The following IGFN1 variants were observed in gnomAD, a reference collection of about 807,000 sequenced individuals.
IGFN1 encodes immunoglobulin like and fibronectin type III domain containing 1, also known as immunoglobulin-like and fibronectin type III domain-containing protein 1.
Under a neutral mutation model 289.5 loss-of-function variants are expected in IGFN1, and 253 were observed. The observed-to-expected ratio is 0.87, with a 90% confidence interval of 0.79 to 0.97. The LOEUF (loss-of-function observed/expected upper bound fraction) is 0.97. Ranked by LOEUF, IGFN1 falls within the 50% of genes least tolerant of loss-of-function variation. IGFN1 has a pLI of 0.00. For missense variants in IGFN1, 4,470 were observed against 4,686.1 expected, an observed-to-expected ratio of 0.95 and a Z score of 1.35; for synonymous variants, 1,706 against 1,788.5, an observed-to-expected ratio of 0.95 and a Z score of 1.16.
At position 201,205,183 on chromosome 1, in the gene IGFN1, G is replaced by T; in HGVS notation, c.1018G>T (p.Ala340Ser). 4 of 1,551,324 alleles carry T rather than the reference G, an allele frequency of 2.6e-6. No individual in the cohort carries two copies. The highest frequency in any genetic ancestry group is 3.5e-6 in the Non-Finnish European group (4 of 1,147,002). Residue 340 changes from alanine (A) to serine (S), a missense_variant, in exon 11 of 24, where the codon GCC becomes TCC. By Grantham distance (99) the Ala-to-Ser change is moderately conservative. Transcript: ENST00000335211. ...CCTCTCCAGCCCCTGCCCTAGTGCA[G>T]CCTGGCATTTCCGGCACCGGCTACT... Reference protein sequence around the residue: ...CTLSSPCPSAAWHFRHRLLHP... With the variant: ...CTLSSPCPSASWHFRHRLLHP...
Position 201,205,153 on chromosome 1 carries a change from T to G in IGFN1, c.988T>G (p.Cys330Gly). Residue 330 changes from cysteine to glycine, a missense_variant, in exon 11 of 24, where the codon TGT becomes GGT. By Grantham distance (159) the Cys-to-Gly change is radical. Transcript: ENST00000335211. Reference protein sequence around the residue: ...CEEQGDAVFECTLSSPCPSAA... With the variant: ...CEEQGDAVFEGTLSSPCPSAA... The stretch of plus-strand genomic sequence containing the variant: ...GGAGCAGGGTGACGCAGTCTTTGAA[T>G]GTACCCTCTCCAGCCCCTGCCCTAG... 3 of 1,551,136 alleles carry G rather than the reference T, an allele frequency of 1.9e-6. No individual in the cohort carries two copies. Among genetic ancestry groups the G allele is most frequent in the Non-Finnish European group, 2.6e-6 (3 of 1,146,982 alleles).
rs2102344060 is a variant in IGFN1 at position 201,210,888 on chromosome 1, A to G, written c.5995A>G (p.Arg1999Gly). 1 of 1,528,416 alleles carries G rather than the reference A, an allele frequency of 6.5e-7. No individual in the cohort carries two copies. Among genetic ancestry groups the G allele is most frequent in the Non-Finnish European group, 8.7e-7 (1 of 1,143,878 alleles). The allele number at this position is 1,528,416 out of a possible 1,614,324, so 94.7% of individuals were successfully genotyped here. Residue 1999 changes from arginine (R) to glycine (G), a missense_variant, in exon 12 of 24, where the codon AGG (arginine) becomes GGG (glycine). Arg to Gly is a moderately radical substitution (Grantham distance 125, BLOSUM62 -2). Coordinates refer to ENST00000335211, the MANE Select transcript of IGFN1 (RefSeq NM_001164586.2). ...GGGGTCAATGGATGAGGCAGGTTAT[A>G]GGAAGGATTTGGGGGCTCCTGAGGG... ...EMGSMDEAGYRKDLGAPEGIG... is the reference protein window; with the variant it reads ...EMGSMDEAGYGKDLGAPEGIG...
In IGFN1 at chr1:201,206,380, A is replaced by G; in HGVS notation, c.1487A>G (p.Glu496Gly). 1 of 1,550,634 alleles carries G rather than the reference A, an allele frequency of 6.4e-7. No individual in the cohort carries two copies. Residue 496 changes from glutamate to glycine, a missense_variant, in exon 12 of 24, where the codon GAG becomes GGG. Glu to Gly is a moderately conservative substitution (Grantham distance 98, BLOSUM62 -2). Transcript: ENST00000335211. ...GAGGGCGAGGGCTTTCCAGTAGCAGAGGGAAGCAGAGCCACTCTTCCCAGG... is the reference window on the plus strand; with the variant it reads ...GAGGGCGAGGGCTTTCCAGTAGCAGGGGGAAGCAGAGCCACTCTTCCCAGG... ...GQEGEGFPVA[E>G]GSRATLPREN...
At position 201,226,907 on chromosome 1, in the gene IGFN1, C is replaced by A. The variant is rs1256424529; in HGVS notation, c.10812C>A (p.Cys3604Ter). The A allele has an allele frequency of 6.2e-7, 1 of 1,603,356 alleles. No individual in the cohort carries two copies. Among genetic ancestry groups the A allele is most frequent in the Non-Finnish European group, 8.5e-7 (1 of 1,174,096 alleles). ...ACAGGTTCACAGTGAAGGCTCCGTG[C>A]TACCGGGAGCCCGACCTGAGCCAGA... ...QRDRFTVKAP[C>*]YREPDLSQKP... The change falls in exon 23 of 24, where the codon TGC becomes TGA. Residue 3604 changes from cysteine to a stop codon, truncating the protein, a stop_gained. Transcript: ENST00000335211. LOFTEE classifies it high-confidence loss of function.
Position 201,215,774 on chromosome 1 carries a change from G to C in IGFN1, c.9231G>C (p.Gln3077His). The stretch of plus-strand genomic sequence containing the variant: ...GCGCAGGCAGGAAGGACTGTGGCCA[G>C]TACAGCGTGACACTGAGGAGTGAGG... ...LPSAGRKDCGQYSVTLRSEGG... is the reference protein window; with the variant it reads ...LPSAGRKDCGHYSVTLRSEGG... The change falls in exon 15 of 24, where the codon CAG (glutamine) becomes CAC (histidine). Residue 3077 changes from glutamine to histidine, a missense_variant. Around this residue, in one of 8 missense-constraint regions of IGFN1, gnomAD observed 2,218 missense variants for 2,114.1 expected, o/e 1.05. Transcript: ENST00000335211. 1 of 1,603,862 alleles carries C rather than the reference G, an allele frequency of 6.2e-7. No homozygotes were observed. The highest frequency in any genetic ancestry group is 8.5e-7 in the Non-Finnish European group (1 of 1,174,262).
rs1220558810 is a variant in IGFN1, at chr1:201,194,136, C to A, written c.8-18C>A. On this transcript the variant is annotated intron_variant, in intron 2 of 23. Coordinates refer to ENST00000335211, the MANE Select transcript of IGFN1 (RefSeq NM_001164586.2). The stretch of plus-strand genomic sequence containing the variant: ...AGAAGGTGGAAGGCCCCATCTCCTT[C>A]CCTCCTGCATTCTCCAGGAAAGCTC... 12 of 1,550,888 alleles carry A rather than the reference C, an allele frequency of 7.7e-6. No individual in the cohort carries two copies. Among genetic ancestry groups the A allele is most frequent in the Non-Finnish European group, 1.0e-5 (12 of 1,146,528 alleles).
rs1568810 is a variant in IGFN1 at position 201,214,274 on chromosome 1, T to A, written c.8826T>A (p.Pro2942=). The part of the protein sequence containing the change: ...LSCTLTSDLG[P]GTWFKDGVKL... ...GTACCCTCACCAGTGACCTGGGACC[T>A]GGCACCTGGTTTAAGGATGGCGTCA... Residue 2942 remains proline, a synonymous_variant, in exon 13 of 24, where the codon CCT becomes CCA. Transcript: ENST00000335211. 1 of 1,610,942 alleles carries A rather than the reference T, an allele frequency of 6.2e-7. No individual in the cohort carries two copies. Among genetic ancestry groups the A allele is most frequent in the South Asian group, 1.1e-5 (1 of 90,876 alleles).
rs182559666 is a variant in IGFN1, at chr1:201,212,928, G to A, written c.8035G>A (p.Gly2679Ser). 1,030 of 1,551,556 alleles carry A rather than the reference G, an allele frequency of 6.6e-4. 9 individuals are homozygous for A. The highest frequency in any genetic ancestry group is 6.6e-3 in the South Asian group (557 of 84,068). The change falls in exon 12 of 24, where the codon GGC becomes AGC. Residue 2679 changes from glycine to serine, a missense_variant. Around this residue, in one of 8 missense-constraint regions of IGFN1, gnomAD observed 2,218 missense variants for 2,114.1 expected, o/e 1.05. Coordinates refer to ENST00000335211, the MANE Select transcript of IGFN1 (RefSeq NM_001164586.2). ...GGFKGGEGAPGQEAAGGCRSP... is the reference protein window; with the variant it reads ...GGFKGGEGAPSQEAAGGCRSP... Reference sequence around the variant, plus strand: ...CTTTAAGGGTGGGGAGGGTGCACCAGGCCAAGAGGCGGCTGGTGGATGCCG... The same window carrying A: ...CTTTAAGGGTGGGGAGGGTGCACCAAGCCAAGAGGCGGCTGGTGGATGCCG...
intron 18 of IGFN1, among the ~76,000 whole-genome samples, chr1:201,221,192 G>A (rs1315828803): frequency 6.6e-6 from 1 of 152,210 alleles, no homozygotes; most frequent in Non-Finnish European, 1.5e-5. Flanking sequence ...TGGCAGGTTG[G>A]TGAATGAATG....
In IGFN1 at chr1:201,213,464, G is replaced by A. The variant is rs866879246; in HGVS notation, c.8571G>A (p.Leu2857=). 1.2e-6 allele frequency: 2 copies of A among 1,614,068 alleles called. No individual in the cohort carries two copies. ...ACTGGGGGTGCCTGGAGGAGATGCT[G>A]AATGAAGATCAGAGCCGGGAGCCCC... ...GENWGCLEEM[L]NEDQSREPPG... is the part of the protein sequence containing the mutation. The change falls in exon 12 of 24, where the codon CTG becomes CTA. Residue 2857 remains leucine, a synonymous_variant. Transcript: ENST00000335211.
intron 1 of IGFN1, among the ~76,000 whole-genome samples, chr1:201,192,101 T>C (rs988070668): frequency 1.3e-5 from 2 of 152,168 alleles, no homozygotes; most frequent in Non-Finnish European, 2.9e-5. Flanking sequence ...GCGTAGTGCC[T>C]GTGGCACCCG....
intron 20 of IGFN1, among the ~76,000 whole-genome samples, chr1:201,224,431 C>T (rs1446040198): frequency 7.2e-5 from 11 of 152,198 alleles, no homozygotes; most frequent in Admixed American, 1.3e-4. Flanking sequence ...GCATTTTTGC[C>T]GAACCTCTTC....
Position 201,212,118 on chromosome 1 carries a change from G to A in IGFN1, c.7225G>A (p.Ala2409Thr), listed in dbSNP as rs1373335566. ...DTNSKDGPERARETRLVDGAG... is the reference protein window; with the variant it reads ...DTNSKDGPERTRETRLVDGAG... ...GAACTCCAAGGATGGTCCAGAGCGA[G>A]CCAGGGAAACCAGGCTTGTGGATGG... Residue 2409 changes from alanine (A) to threonine (T), a missense_variant, in exon 12 of 24, where the codon GCC becomes ACC. Physicochemically the swap from Ala to Thr is moderately conservative, Grantham distance 58. Around this residue, in one of 8 missense-constraint regions of IGFN1, gnomAD observed 2,218 missense variants for 2,114.1 expected, o/e 1.05. Transcript: ENST00000335211. 6.5e-7 allele frequency: 1 copy of A among 1,536,502 alleles called. No individual in the cohort carries two copies. Among genetic ancestry groups the A allele is most frequent in the Non-Finnish European group, 8.7e-7 (1 of 1,146,778 alleles).
At chr1:201,201,050 C>T (rs1028593865) in intron 8 of IGFN1, among the ~76,000 whole-genome samples, 124 of 152,190 alleles carry the variant, frequency 8.1e-4, no homozygotes, top group African/African-American at 2.9e-3. Flanking sequence ...CCAGGATGAT[C>T]TCGATCTCCT....
rs1454784417 is a variant in IGFN1 at position 201,203,786 on chromosome 1, C to A, written c.796C>A (p.Leu266Met). ...CTTCAACAACCAAACCAAGCACTGT[C>A]TGCGCCGGCTGGGGAAGCGCTATGA... The part of the protein sequence containing the change: ...YGFNNQTKHC[L>M]RRLGKRYEFQ... Residue 266 changes from leucine to methionine, a missense_variant, in exon 10 of 24, where the codon CTG becomes ATG. Leu to Met is a conservative substitution (Grantham distance 15). Coordinates refer to ENST00000335211, the MANE Select transcript of IGFN1 (RefSeq NM_001164586.2). 6.4e-7 allele frequency: 1 copy of A among 1,551,844 alleles called. No individual in the cohort carries two copies. Among genetic ancestry groups the A allele is most frequent in the Non-Finnish European group, 8.7e-7 (1 of 1,147,046 alleles).
At chr1:201,194,040 G>A in intron 2 of IGFN1, 114 bp from the exon 3 acceptor site, 1 of 1,236,874 alleles carries the variant, frequency 8.1e-7, no homozygotes, top group Non-Finnish European at 1.1e-6. Context: ...AAAAGTAGGA[G>A]CGAGAAGGGG....
chr1:201,207,611 A>G lies in IGFN1; in HGVS notation c.2718A>G (p.Gly906=). The G allele has an allele frequency of 6.5e-7, 1 of 1,536,978 alleles. No individual in the cohort carries two copies. The highest frequency in any genetic ancestry group is 8.7e-7 in the Non-Finnish European group (1 of 1,146,850). The part of the protein sequence containing the change: ...LGAQGSGGTL[G]DKKGLRGPGS... Reference sequence around the variant, plus strand: ...CTCAGGGATCTGGGGGGACACTAGGAGATAAGAAAGGATTAAGAGGTCCTG... The same window carrying G: ...CTCAGGGATCTGGGGGGACACTAGGGGATAAGAAAGGATTAAGAGGTCCTG... The change falls in exon 12 of 24, where the codon GGA becomes GGG. Residue 906 remains glycine, a synonymous_variant. Transcript: ENST00000335211.
rs1396257508 is a variant in IGFN1 at position 201,211,972 on chromosome 1, A to T, written c.7079A>T (p.Asp2360Val). 5 of 1,533,874 alleles carry T rather than the reference A, an allele frequency of 3.3e-6. No individual in the cohort carries two copies. Among genetic ancestry groups the T allele is most frequent in the Non-Finnish European group, 4.4e-6 (5 of 1,145,492 alleles). ...TGPEGKMGYGDGSGRLGVPGS... is the reference protein window; with the variant it reads ...TGPEGKMGYGVGSGRLGVPGS... ...CCAGAGGGTAAGATGGGTTATGGAG[A>T]TGGTTCAGGGAGGCTTGGAGTACCA... The change falls in exon 12 of 24, where the codon GAT becomes GTT. Residue 2360 changes from aspartate to valine, a missense_variant. By Grantham distance (152) the Asp-to-Val change is radical. Transcript: ENST00000335211.
In IGFN1 at chr1:201,228,738, C is replaced by T. The variant is rs943604805; in HGVS notation, c.*339C>T. 1.2e-5 allele frequency: 4 copies of T among 340,544 alleles called. No homozygotes were observed. Among genetic ancestry groups the T allele is most frequent in the Admixed American group, 4.2e-5 (1 of 23,926 alleles). The allele number at this position is 340,544 out of a possible 1,614,324, so 21.1% of individuals were successfully genotyped here. A position where few individuals can be genotyped will look rare whatever the true frequency, so the allele number is the denominator to read the frequency against. On this transcript the variant is annotated 3_prime_UTR_variant, in exon 24 of 24. Coordinates refer to ENST00000335211, the MANE Select transcript of IGFN1 (RefSeq NM_001164586.2). ...TGGGCCGGCTCCTTATTTTCCTGGGCTGAGCCGTTTGGAGGGAGGGTGGGC... is the reference window on the plus strand; with the variant it reads ...TGGGCCGGCTCCTTATTTTCCTGGGTTGAGCCGTTTGGAGGGAGGGTGGGC...
Sources: gnomAD v4.1 joint callset for allele counts (sites outside exome capture counted in the v4.1 genomes callset) on GRCh38, gnomAD v4.1.1 for gene constraint, gnomAD v4.1.1 regional missense constraint, MANE v1.5 for transcripts, NCBI Gene and HGNC (gene_info 2026-07-23, HGNC 2026-07-21) for gene names.